The following CD226 variants were observed in gnomAD, a reference collection of about 807,000 sequenced individuals.
The protein encoded by CD226 is CD226 molecule.
CD226 carries 24 observed loss-of-function variants against 34.9 expected under a neutral mutation model. That is an observed-to-expected ratio of 0.69 (90% confidence interval 0.50 to 0.97). The LOEUF is 0.97. Among genes scored for constraint, CD226 ranks in the 50% least tolerant of loss-of-function variants. CD226 has a pLI of 0.00. For synonymous variants in CD226, 148 were observed against 147.4 expected, an observed-to-expected ratio of 1.00 and a Z score of -0.03; for missense variants, 397 against 412.7, an observed-to-expected ratio of 0.96 and a Z score of 0.33.
intron 2 of CD226, among the ~76,000 whole-genome samples, chr18:69,914,403 T>C (rs1290277625): frequency 3.9e-5 from 6 of 152,238 alleles, no homozygotes; most frequent in Non-Finnish European, 7.3e-5. Context: ...ATTGAGTTCA[T>C]GGACCAAGAG....
At chr18:69,933,913 G>A (rs1037654845) in intron 2 of CD226, among the ~76,000 whole-genome samples, 1 of 152,154 alleles carries the variant, frequency 6.6e-6, no homozygotes, top group Non-Finnish European at 1.5e-5. Flanking sequence ...AACATTTATA[G>A]GATTTAAAGA....
chr18:69,924,135 G>A (rs1342387204), intron 2 of CD226, among the ~76,000 whole-genome samples: 2 of 151,814 alleles, frequency 1.3e-5, no homozygotes, highest in African/African-American at 4.8e-5. Flanking sequence ...AGACCACCGA[G>A]CCAACGTCAT....
chr18:69,921,891 T>G (rs989031192), intron 2 of CD226, among the ~76,000 whole-genome samples: 22 of 152,184 alleles, frequency 1.4e-4, no homozygotes, highest in African/African-American at 5.3e-4. Context: ...TAATTTGAAT[T>G]TTTGTTTCTT....
At chr18:69,939,952 G>A (rs140048514) in intron 2 of CD226, among the ~76,000 whole-genome samples, 4 of 152,282 alleles carry the variant, frequency 2.6e-5, no homozygotes, top group Admixed American at 6.5e-5. Flanking sequence ...TAATTTGGCC[G>A]TGTGCCCACC....
At chr18:69,870,555 G>A (rs565257538) in intron 4 of CD226, among the ~76,000 whole-genome samples, 24 of 152,224 alleles carry the variant, frequency 1.6e-4, no homozygotes, top group Admixed American at 5.2e-4. Context: ...GATTACAGGC[G>A]TGAGCCACCA....
intron 2 of CD226, among the ~76,000 whole-genome samples, chr18:69,941,590 C>T (rs575920866): frequency 5.3e-5 from 8 of 152,164 alleles, no homozygotes; most frequent in Non-Finnish European, 7.3e-5. Context: ...TTTGTTTTGG[C>T]CAATTTCTCT....
rs1192638226 is a variant in CD226, at chr18:69,853,585, T to G, written c.*10729A>C. The G allele has an allele frequency of 6.6e-6, 1 of 152,218 alleles. No homozygotes were observed. The highest frequency in any genetic ancestry group is 1.5e-5 in the Non-Finnish European group (1 of 68,032). The allele number at this position is 152,218 out of a possible 1,614,324, so 9.4% of individuals were successfully genotyped here. A position where few individuals can be genotyped will look rare whatever the true frequency, so the allele number is the denominator to read the frequency against. On this transcript the variant is annotated 3_prime_UTR_variant, in exon 6 of 6. Coordinates refer to ENST00000582621, the MANE Select transcript of CD226 (RefSeq NM_001303618.2). Reference sequence around the variant, plus strand: ...ACATATGATGAGTGAAACACCACCATGTGACTCATATTTCATTTTAACAGA... The same window carrying G: ...ACATATGATGAGTGAAACACCACCAGGTGACTCATATTTCATTTTAACAGA...
intron 2 of CD226, among the ~76,000 whole-genome samples, chr18:69,910,423 A>G (rs1056596379): frequency 6.6e-6 from 1 of 152,216 alleles, no homozygotes; most frequent in Non-Finnish European, 1.5e-5. Flanking sequence ...TTCCCAGTCT[A>G]ATCATGAGTG....
chr18:69,961,170 T>C (rs890603125), upstream of CD226, among the ~76,000 whole-genome samples: 1 of 152,234 alleles, frequency 6.6e-6, no homozygotes, highest in Admixed American at 6.5e-5. Context: ...TATGTAGGTA[T>C]AATTGTGTGC....
At chr18:69,875,066 C>T (rs1271550595) in intron 3 of CD226, among the ~76,000 whole-genome samples, 3 of 152,192 alleles carry the variant, frequency 2.0e-5, no homozygotes, top group African/African-American at 4.8e-5. Context: ...CTTCAAGATA[C>T]TGACCTCATT....
In CD226 at chr18:69,947,413, A is replaced by G. The variant is rs945872258; in HGVS notation, c.-7T>C. ...GTAAAGTAGGATAATCCATCTCTGG[A>G]AACTGTTTGAAAGGCTGGTTCTATT... On this transcript the variant is annotated 5_prime_UTR_variant, in exon 1 of 6. Transcript: ENST00000582621. The G allele has an allele frequency of 1.9e-6, 3 of 1,580,916 alleles. No homozygotes were observed. The highest frequency in any genetic ancestry group is 3.8e-5 in the Admixed American group (2 of 52,222).
chr18:69,876,886 C>T (rs1316911369), intron 3 of CD226, among the ~76,000 whole-genome samples: 12 of 106,586 alleles, frequency 1.1e-4, no homozygotes, highest in Admixed American at 5.2e-4. Flanking sequence ...TTTTTTGAGA[C>T]GGAGTCTCGC....
intron 2 of CD226, among the ~76,000 whole-genome samples, chr18:69,934,056 A>AAGG (rs1244009402): frequency 6.6e-6 from 1 of 152,144 alleles, no homozygotes; most frequent in Admixed American, 6.5e-5. Flanking sequence ...GGACTTTACA[A>AAGG]AGGATCTCTT....
chr18:69,944,081 A>C (rs889809500), intron 2 of CD226, among the ~76,000 whole-genome samples: 1 of 152,038 alleles, frequency 6.6e-6, no homozygotes, highest in Admixed American at 6.6e-5. Context: ...TACATAAGAA[A>C]ATTTCAAGCA....
At chr18:69,930,663 T>C (rs1405721299) in intron 2 of CD226, among the ~76,000 whole-genome samples, 1 of 152,186 alleles carries the variant, frequency 6.6e-6, no homozygotes, top group Non-Finnish European at 1.5e-5. Context: ...TACTCCTTCA[T>C]GGTAACAATG....
intron 2 of CD226, among the ~76,000 whole-genome samples, chr18:69,903,885 C>T (rs1031044006): frequency 3.3e-5 from 5 of 152,112 alleles, no homozygotes; most frequent in African/African-American, 1.2e-4. Context: ...GTGCCAGCAG[C>T]TCTAGGACAC....
intron 5 of CD226, among the ~76,000 whole-genome samples, chr18:69,866,983 T>C (rs1483029257): frequency 6.6e-6 from 1 of 152,192 alleles, no homozygotes; most frequent in East Asian, 1.9e-4. Flanking sequence ...TCTGACACTG[T>C]TTCTTGTACT....
chr18:69,947,491 A>C lies in CD226; in HGVS notation c.-85T>G. The stretch of plus-strand genomic sequence containing the variant: ...GACATGCAGATCCCCAGCACAATGC[A>C]GTTTCCTTCCTCTCAGATGTTATCA... On this transcript the variant is annotated 5_prime_UTR_variant, in exon 1 of 6. Transcript: ENST00000582621. The C allele has an allele frequency of 1.3e-6, 1 of 797,752 alleles. No individual in the cohort carries two copies. Among genetic ancestry groups the C allele is most frequent in the Non-Finnish European group, 2.0e-6 (1 of 489,428 alleles). 49.4% of individuals were successfully genotyped at this position (797,752 alleles called of 1,614,324 possible).
intron 2 of CD226, 55 bp downstream of exon 2, chr18:69,946,675 GAAAT>G: frequency 8.7e-7 from 1 of 1,148,432 alleles, no homozygotes; most frequent in Non-Finnish European, 1.2e-6. Context: ...GGGCTTTATA[GAAAT>G]AAATGTTGTA....
Sources: gnomAD v4.1 joint callset for allele counts (sites outside exome capture counted in the v4.1 genomes callset) on GRCh38, gnomAD v4.1.1 for gene constraint, MANE v1.5 for transcripts, NCBI Gene and HGNC (gene_info 2026-07-23, HGNC 2026-07-21) for gene names.